TUBGCP6: variants seen among roughly 807,000 people sequenced by gnomAD.
TUBGCP6 encodes the protein tubulin gamma complex component 6, also known as gamma-tubulin complex component 6.
Under a neutral mutation model 175.8 loss-of-function variants are expected in TUBGCP6, and 161 were observed. The ratio of observed to expected loss-of-function variants is 0.92; its 90% CI spans 0.81 to 1.04. The LOEUF (loss-of-function observed/expected upper bound fraction) is 1.04. TUBGCP6 is among the 50% of genes least tolerant of loss of function. The pLI is 0.00. For synonymous variants in TUBGCP6, 1,173 were observed against 1,030.5 expected (o/e 1.14, Z -2.65); for missense variants, 2,572 against 2,433.0 (o/e 1.06, Z -1.20).
rs1313521704 is a variant in TUBGCP6 at position 50,244,600 on chromosome 22, G to A, written c.-141C>T. ...CTCTCCAATGCCGAAGCTCAGAACT[G>A]GTATTTTTTAAAGGAGGTCTTGCGG... is the stretch of plus-strand genomic sequence containing the variant. On this transcript the variant is annotated 5_prime_UTR_variant, in exon 1 of 25. Coordinates refer to ENST00000248846, the MANE Select transcript of TUBGCP6 (RefSeq NM_020461.4). The A allele has an allele frequency of 5.9e-6, 8 of 1,352,918 alleles. No homozygotes were observed. Among genetic ancestry groups the A allele is most frequent in the Non-Finnish European group, 5.8e-6 (6 of 1,035,214 alleles). 83.8% of individuals were successfully genotyped at this position (1,352,918 alleles called of 1,614,324 possible).
In TUBGCP6 at chr22:50,227,110, C is replaced by T. The variant is rs200515033; in HGVS notation, c.1413-33G>A. 6.4e-5 allele frequency: 102 copies of T among 1,583,666 alleles called. No individual in the cohort carries two copies. In the Middle Eastern group the frequency reaches 1.2e-3, roughly 18 times the overall value. On this transcript the variant is annotated intron_variant, in intron 5 of 24. Coordinates refer to ENST00000248846, the MANE Select transcript of TUBGCP6 (RefSeq NM_020461.4). ...CAGAGGCAGGATGAGACCAGGTGAC[C>T]GGGCTCAGGGTTCCCAGGCCTGGAT... is the stretch of plus-strand genomic sequence containing the variant.
At position 50,225,973 on chromosome 22, in the gene TUBGCP6, A is replaced by G. The variant is rs199654450; in HGVS notation, c.1834-30T>C. 5.3e-4 allele frequency: 851 copies of G among 1,613,176 alleles called. 1 individual carries two copies. The highest frequency in any genetic ancestry group is 7.0e-4 in the Non-Finnish European group (823 of 1,179,564). The stretch of plus-strand genomic sequence containing the variant: ...CAAAGGGGATGCAAGCACAGCCACC[A>G]GCACTCAGCCCCAGCCTCATACTCA... On this transcript the variant is annotated intron_variant, in intron 9 of 24. Coordinates refer to ENST00000248846, the MANE Select transcript of TUBGCP6 (RefSeq NM_020461.4).
intron 4 of TUBGCP6, 142 bp downstream of exon 4, chr22:50,229,262 C>T (rs1474861534): frequency 6.4e-6 from 6 of 939,228 alleles, no homozygotes; most frequent in South Asian, 1.7e-5. Flanking sequence ...CCTCAAGAGC[C>T]ACTATCGGGT....
In TUBGCP6 at chr22:50,244,658, C is replaced by T; in HGVS notation, c.-199G>A. On this transcript the variant is annotated 5_prime_UTR_variant, in exon 1 of 25. Coordinates refer to ENST00000248846, the MANE Select transcript of TUBGCP6 (RefSeq NM_020461.4). ...ACTCAGAGTAAACACGCCCTGCCCT[C>T]CCCAGTCCAAGCACGCTGCCCGGCG... is the stretch of plus-strand genomic sequence containing the variant. The T allele has an allele frequency of 1.1e-6, 1 of 876,206 alleles. No individual in the cohort carries two copies. Among genetic ancestry groups the T allele is most frequent in the Non-Finnish European group, 1.7e-6 (1 of 602,048 alleles). The allele number at this position is 876,206 out of a possible 1,614,324, so 54.3% of individuals were successfully genotyped here. A position where few individuals can be genotyped will look rare whatever the true frequency, so the allele number is the denominator to read the frequency against.
chr22:50,240,400 A>G lies in TUBGCP6; in HGVS notation c.742-33T>C, dbSNP rs758226873. The G allele has an allele frequency of 1.9e-6, 3 of 1,612,350 alleles. No individual in the cohort carries two copies. In the African/African-American group the frequency reaches 4.0e-5, roughly 22 times the overall value. Reference sequence around the variant, plus strand: ...CACAGGGAAGGGCAAACCGCCACTTATTGCTGTGTCCACGTTTCATCCAAG... The same window carrying G: ...CACAGGGAAGGGCAAACCGCCACTTGTTGCTGTGTCCACGTTTCATCCAAG... On this transcript the variant is annotated intron_variant, in intron 1 of 24. Transcript: ENST00000248846.
chr22:50,243,721 T>G lies in TUBGCP6; in HGVS notation c.739A>C (p.Lys247Gln). The change falls in exon 1 of 25, where the codon AAG becomes CAG. Residue 247 changes from lysine (K) to glutamine (Q), a missense_variant and splice_region_variant. By Grantham distance (53) the Lys-to-Gln change is moderately conservative. Coordinates refer to ENST00000248846, the MANE Select transcript of TUBGCP6 (RefSeq NM_020461.4). ...DNADLSGLAI[K>Q]VPPSVDQWED... ...AGAGGAAAAACTAAACATTCTACCTTAATAGCCAGCCCAGAGAGGTCCGCA... is the reference window on the plus strand; with the variant it reads ...AGAGGAAAAACTAAACATTCTACCTGAATAGCCAGCCCAGAGAGGTCCGCA... The G allele has an allele frequency of 2.5e-6, 4 of 1,607,438 alleles. No individual in the cohort carries two copies. The highest frequency in any genetic ancestry group is 2.6e-6 in the Non-Finnish European group (3 of 1,175,572).
At chr22:50,224,685 T>C in intron 10 of TUBGCP6, 93 bp from the exon 11 acceptor site, 3 of 1,241,956 alleles carry the variant, frequency 2.4e-6, no homozygotes, top group South Asian at 1.2e-5. Flanking sequence ...GGTGGGTAGA[T>C]CACATGAGCT....
chr22:50,227,466 G>C (rs1176734835), intron 5 of TUBGCP6, among the ~76,000 whole-genome samples: 1 of 152,132 alleles, frequency 6.6e-6, no homozygotes, highest in Non-Finnish European at 1.5e-5. Flanking sequence ...CTGCCCCACA[G>C]TGTCTCAGCC....
chr22:50,242,725 C>T (rs2064855397), intron 1 of TUBGCP6, among the ~76,000 whole-genome samples: 1 of 152,230 alleles, frequency 6.6e-6, no homozygotes, highest in East Asian at 1.9e-4. Context: ...AATTACAGAA[C>T]ATGAACACTT....
At chr22:50,242,648 T>C (rs2064854171) in intron 1 of TUBGCP6, among the ~76,000 whole-genome samples, 1 of 152,130 alleles carries the variant, frequency 6.6e-6, no homozygotes, top group Non-Finnish European at 1.5e-5. Context: ...AAAACTCAAA[T>C]GAGGAGCTAC....
Position 50,225,914 on chromosome 22 carries a change from G to C in TUBGCP6, c.1863C>G (p.Val621=), listed in dbSNP as rs370335916. ...GGGAGAAAATCACCGAGATCCGGGG[G>C]ACAGGGACGTCGGACCAACAGAGGT... The part of the protein sequence containing the change: ...RHYLCWSDVP[V]PRISVIFSLE... The change falls in exon 10 of 25, where the codon GTC becomes GTG. Residue 621 remains valine (V), a synonymous_variant. Coordinates refer to ENST00000248846, the MANE Select transcript of TUBGCP6 (RefSeq NM_020461.4). 1 of 1,613,730 alleles carries C rather than the reference G, an allele frequency of 6.2e-7. No homozygotes were observed. Among genetic ancestry groups the C allele is most frequent in the African/African-American group, 1.3e-5 (1 of 74,842 alleles).
intron 1 of TUBGCP6, 38 bp downstream of exon 1, chr22:50,243,681 C>G: frequency 6.4e-7 from 1 of 1,553,758 alleles, no homozygotes; most frequent in Non-Finnish European, 8.7e-7. Context: ...TTTTCCAAAC[C>G]CCGAGAGAGA....
intron 1 of TUBGCP6, among the ~76,000 whole-genome samples, chr22:50,242,642 C>T (rs1057265054): frequency 2.0e-5 from 3 of 152,184 alleles, no homozygotes; most frequent in East Asian, 1.9e-4. Flanking sequence ...AAATACAAAA[C>T]TCAAATGAGG....
At chr22:50,225,118 C>A (rs1197493860) in intron 10 of TUBGCP6, among the ~76,000 whole-genome samples, 1 of 144,240 alleles carries the variant, frequency 6.9e-6, no homozygotes, top group Non-Finnish European at 1.5e-5. Context: ...AGGCCATGGA[C>A]GGGAGCTGAC....
rs766398798 is a variant in TUBGCP6, at chr22:50,219,052, C to G, written c.4626+16G>C. On this transcript the variant is annotated intron_variant, in intron 20 of 24. Transcript: ENST00000248846. ...CTCCCCTCTACCACTGGCCCCACCCCGTGTCCGGAGGCCACCTTCTCAAAG... is the reference window on the plus strand; with the variant it reads ...CTCCCCTCTACCACTGGCCCCACCCGGTGTCCGGAGGCCACCTTCTCAAAG... 1 of 1,611,248 alleles carries G rather than the reference C, an allele frequency of 6.2e-7. No homozygotes were observed.
At chr22:50,227,775 C>A in intron 5 of TUBGCP6, 132 bp downstream of exon 5, 1 of 1,311,122 alleles carries the variant, frequency 7.6e-7, no homozygotes, top group Admixed American at 2.5e-5. Flanking sequence ...CGGCCAAGGG[C>A]CATCCGGTCG....
At chr22:50,221,916 C>T (rs371074869) in intron 15 of TUBGCP6, 42 bp from the exon 16 acceptor site, 62 of 1,545,342 alleles carry the variant, frequency 4.0e-5, no homozygotes, top group Non-Finnish European at 5.0e-5. Context: ...GTCTCAGGAC[C>T]CCCCAGCCCT....
intron 3 of TUBGCP6, among the ~76,000 whole-genome samples, 163 bp from the exon 4 acceptor site, chr22:50,229,740 G>C (rs979062416): frequency 6.6e-6 from 1 of 152,052 alleles, no homozygotes; most frequent in Non-Finnish European, 1.5e-5. Flanking sequence ...CACACCGAGG[G>C]ACCAAACCGA....
chr22:50,234,350 T>G (rs1415583988), intron 2 of TUBGCP6, among the ~76,000 whole-genome samples: 81 of 6,302 alleles, frequency 0.013, 1 homozygote, highest in Middle Eastern at 0.1. Context: ...TCCACACCCC[T>G]GTCCACAGCA....
Sources: allele counts gnomAD v4.1 joint callset (sites outside exome capture counted in the v4.1 genomes callset), GRCh38; gene constraint gnomAD v4.1.1; transcripts MANE v1.5; gene names NCBI Gene and HGNC (gene_info 2026-07-23, HGNC 2026-07-21).